Variants in UGT2B15 observed in about 807,000 individuals in gnomAD.
UGT2B15 encodes the protein UDP glucuronosyltransferase family 2 member B15.
In UGT2B15, 36 loss-of-function variants were observed where a neutral mutation model predicts 45.9. That is an observed-to-expected ratio of 0.78 (90% CI 0.60 to 1.04). The LOEUF is 1.04. Among genes scored for constraint, UGT2B15 ranks in the 50% least tolerant of loss-of-function variants. UGT2B15 has a pLI of 0.00. For synonymous variants in UGT2B15, 219 were observed against 216.4 expected (o/e 1.01, Z -0.11); for missense variants, 617 against 622.4 (o/e 0.99, Z 0.09).
chr4:68,653,901 G>A (rs1732725383), intron 5 of UGT2B15, 136 bp downstream of exon 5: 1 of 1,174,422 alleles, frequency 8.5e-7, no homozygotes, highest in Non-Finnish European at 1.2e-6. Context: ...CTGGTGGAAA[G>A]TAAGGACAGA....
intron 3 of UGT2B15, among the ~76,000 whole-genome samples, chr4:68,658,882 C>T (rs749709722): frequency 6.6e-6 from 1 of 151,958 alleles, no homozygotes. Context: ...GGGACTATCA[C>T]AGAAGAGGTG....
In UGT2B15 at chr4:68,658,601, T is replaced by C. The variant is rs185712044; in HGVS notation, c.1006-3419A>G. Among the ~76,000 whole-genome samples the C allele has an allele frequency of 6.5e-3, 991 of 152,168 alleles. 20 individuals are homozygous for C. The highest frequency in any genetic ancestry group is 0.023 in the African/African-American group (951 of 41,532). On this transcript the variant is annotated intron_variant, in intron 3 of 5. Transcript: ENST00000338206. ...TTAATAAATAAGACATTGATATTGG[T>C]TTAATGAAAATAGCCACATCTTGAA... is the stretch of plus-strand genomic sequence containing the variant.
intron 5 of UGT2B15, 51 bp from the exon 6 acceptor site, chr4:68,647,434 A>C (rs767955214): frequency 1.5e-5 from 23 of 1,557,424 alleles, no homozygotes; most frequent in Middle Eastern, 1.7e-4. Flanking sequence ...TTATTGCTTA[A>C]GCATATCAAG....
chr4:68,659,365 T>C (rs1309613508), intron 3 of UGT2B15, among the ~76,000 whole-genome samples: 2 of 152,038 alleles, frequency 1.3e-5, no homozygotes, highest in Non-Finnish European at 2.9e-5. Context: ...AGTAATCCTT[T>C]AATTTATTAG....
rs1307978813 is a variant in UGT2B15, at chr4:68,667,149, CT to C, written c.873+890del. Among the ~76,000 whole-genome samples the C allele has an allele frequency of 1.7e-3, 243 of 143,056 alleles. 1 individual carries two copies. The highest frequency in any genetic ancestry group is 3.6e-3 in the Middle Eastern group (1 of 274). The allele number at this position is 143,056 out of a possible 152,430, so 93.9% of individuals were successfully genotyped here. A position where few individuals can be genotyped will look rare whatever the true frequency, so the allele number is the denominator to read the frequency against. ...TTTTCTGCCTTAATGCAAGCCTTTA[CT>C]TTTTTTTTTTTTGTTTATTTGTTTG... On this transcript the variant is annotated intron_variant, in intron 2 of 5. Coordinates refer to ENST00000338206, the MANE Select transcript of UGT2B15 (RefSeq NM_001076.4).
At chr4:68,653,696 T>G (rs1732718968) in intron 5 of UGT2B15, among the ~76,000 whole-genome samples, 1 of 152,012 alleles carries the variant, frequency 6.6e-6, no homozygotes, top group Non-Finnish European at 1.5e-5. Flanking sequence ...ATTCATACTT[T>G]CAGAAATTTT....
intron 5 of UGT2B15, among the ~76,000 whole-genome samples, chr4:68,651,207 G>C (rs1000774377): frequency 6.6e-6 from 1 of 151,710 alleles, no homozygotes; most frequent in Non-Finnish European, 1.5e-5. Flanking sequence ...TTTGGTGTTT[G>C]TGTCATGAAA....
At chr4:68,655,261 TAATC>T (rs1732771852) in intron 3 of UGT2B15, 79 bp from the exon 4 acceptor site, 1 of 1,482,560 alleles carries the variant, frequency 6.7e-7, no homozygotes, top group Non-Finnish European at 9.4e-7. Context: ...AAGAGATTAA[TAATC>T]AGTTAGTTAA....
intron 3 of UGT2B15, among the ~76,000 whole-genome samples, chr4:68,657,202 G>T (rs1180294483): frequency 1.3e-5 from 2 of 152,158 alleles, no homozygotes; most frequent in African/African-American, 4.8e-5. Flanking sequence ...CAGGCAAAAG[G>T]CACCCCTAAG....
At position 68,669,410 on chromosome 4, in the gene UGT2B15, C is replaced by T. The variant is rs1364313531; in HGVS notation, c.724+485G>A. Among the ~76,000 whole-genome samples, 5 of 152,188 alleles carry T rather than the reference C, an allele frequency of 3.3e-5. No homozygotes were observed. The South Asian group carries it at 1.0e-3, about 32-fold the overall frequency. The stretch of plus-strand genomic sequence containing the variant: ...TTTCTGGAGTAGAGCCACTATATTA[C>T]TCAACTGTGAAGGAATCCTTCTTAC... On this transcript the variant is annotated intron_variant, in intron 1 of 5. Transcript: ENST00000338206.
Position 68,647,064 on chromosome 4 carries a change from T to A in UGT2B15, c.*40A>T. The A allele has an allele frequency of 1.3e-6, 2 of 1,575,518 alleles. No homozygotes were observed. The highest frequency in any genetic ancestry group is 1.4e-5 in the African/African-American group (1 of 73,726). ...CCTCCATGCTGAAATAAAGGAGGAGTCCCATCTTTCAGTCATTCCACTTCA... is the reference window on the plus strand; with the variant it reads ...CCTCCATGCTGAAATAAAGGAGGAGACCCATCTTTCAGTCATTCCACTTCA... On this transcript the variant is annotated 3_prime_UTR_variant, in exon 6 of 6. Transcript: ENST00000338206.
chr4:68,654,826 T>G (rs1300774553), intron 4 of UGT2B15, among the ~76,000 whole-genome samples: 1 of 152,012 alleles, frequency 6.6e-6, no homozygotes, highest in Non-Finnish European at 1.5e-5. Context: ...AAATCCAGGA[T>G]GTTATTTAAA....
At chr4:68,650,697 G>A (rs1274904491) in intron 5 of UGT2B15, among the ~76,000 whole-genome samples, 2 of 152,028 alleles carry the variant, frequency 1.3e-5, no homozygotes, top group African/African-American at 4.8e-5. Flanking sequence ...GGTGTTTCTG[G>A]TTCTAGGTCT....
Position 68,649,822 on chromosome 4 carries a change from ACTTTTTTGTTTTTTTG to A in UGT2B15, c.1314-2455_1314-2440del, listed in dbSNP as rs1381199014. On this transcript the variant is annotated intron_variant, in intron 5 of 5. Transcript: ENST00000338206. ...ATTTAATGTGAGTACTGGTAGGTTC[ACTTTTTTGTTTTTTTG>A]CTTTTTTGTTTTTTTTTGAGATGGA... Among the ~76,000 whole-genome samples the A allele has an allele frequency of 6.0e-5, 9 of 151,108 alleles. No homozygotes were observed. In the East Asian group the frequency reaches 1.8e-3, roughly 29 times the overall value.
chr4:68,658,025 T>A (rs1286059298), intron 3 of UGT2B15, among the ~76,000 whole-genome samples: 1 of 152,104 alleles, frequency 6.6e-6, no homozygotes. Flanking sequence ...AATTTTCACT[T>A]GGTTTCTTTT....
At chr4:68,653,864 T>C (rs920561697) in intron 5 of UGT2B15, among the ~76,000 whole-genome samples, 173 bp downstream of exon 5, 3 of 152,044 alleles carry the variant, frequency 2.0e-5, no homozygotes, top group Non-Finnish European at 4.4e-5. Flanking sequence ...ATCTGTGGGG[T>C]TGAAATGTAA....
Position 68,647,096 on chromosome 4 carries a change from T to C in UGT2B15, c.*8A>G. On this transcript the variant is annotated 3_prime_UTR_variant, in exon 6 of 6. Coordinates refer to ENST00000338206, the MANE Select transcript of UGT2B15 (RefSeq NM_001076.4). ...TTTCAGTCATTCCACTTCAGGCTTT[T>C]GATATAACTAATCTCTTTTCTTCTT... 6.2e-7 allele frequency: 1 copy of C among 1,607,922 alleles called. No individual in the cohort carries two copies. The highest frequency in any genetic ancestry group is 8.5e-7 in the Non-Finnish European group (1 of 1,176,030).
intron 3 of UGT2B15, among the ~76,000 whole-genome samples, chr4:68,658,699 T>G (rs1237425752): frequency 6.6e-6 from 1 of 152,048 alleles, no homozygotes; most frequent in Non-Finnish European, 1.5e-5. Context: ...AGGTTTGTTT[T>G]GGGAAAAAAC....
chr4:68,654,366 T>C (rs1732743603), intron 4 of UGT2B15, 110 bp from the exon 5 acceptor site: 10 of 1,044,146 alleles, frequency 9.6e-6, no homozygotes, highest in Non-Finnish European at 1.4e-5. Flanking sequence ...GGTAACATTA[T>C]ACCCACAAAA....
Sources: gnomAD v4.1 joint callset for allele counts (sites outside exome capture counted in the v4.1 genomes callset) on GRCh38, gnomAD v4.1.1 for gene constraint, MANE v1.5 for transcripts, NCBI Gene and HGNC (gene_info 2026-07-23, HGNC 2026-07-21) for gene names.